The following TRIO variants were observed in gnomAD, a reference collection of about 807,000 sequenced individuals.
TRIO encodes the protein trio Rho guanine nucleotide exchange factor, also known as triple functional domain protein.
A neutral mutation model predicts 351.9 loss-of-function variants in TRIO; 58 were observed. The ratio of observed to expected loss-of-function variants is 0.16; its 90% confidence interval spans 0.13 to 0.21. TRIO has a LOEUF of 0.21. TRIO is among the 10% of genes least tolerant of loss of function. TRIO has a pLI of 1.00. For synonymous variants in TRIO, 1,758 were observed against 1,595.7 expected (o/e 1.10, Z -2.42); for missense variants, 3,201 against 4,027.8 (o/e 0.79, Z 5.56).
At chr5:14,159,283 G>T (rs902303983) in intron 1 of TRIO, among the ~76,000 whole-genome samples, 1 of 149,620 alleles carries the variant, frequency 6.7e-6, no homozygotes, top group East Asian at 2.0e-4. Context: ...TGGAAATTTT[G>T]TGGAAAAACC....
intron 54 of TRIO, among the ~76,000 whole-genome samples, chr5:14,503,732 G>A (rs1374132793): frequency 6.6e-6 from 1 of 152,198 alleles, no homozygotes; most frequent in African/African-American, 2.4e-5. Context: ...GCCTCCGAGT[G>A]ACAGAAGTAG....
intron 1 of TRIO, among the ~76,000 whole-genome samples, chr5:14,259,344 C>G (rs953139895): frequency 3.3e-5 from 5 of 152,158 alleles, no homozygotes; most frequent in Non-Finnish European, 7.4e-5. Flanking sequence ...CACCACTCAC[C>G]TTTTGTCTGT....
At chr5:14,391,019 A>C (rs908593828) in intron 27 of TRIO, 29 bp downstream of exon 27, 1 of 1,547,828 alleles carries the variant, frequency 6.5e-7, no homozygotes, top group Admixed American at 2.1e-5. Flanking sequence ...AAGAGACCAT[A>C]ATTTTCCAAG....
At chr5:14,484,791 T>C (rs1414616057) in intron 46 of TRIO, among the ~76,000 whole-genome samples, 1 of 150,996 alleles carries the variant, frequency 6.6e-6, no homozygotes, top group Non-Finnish European at 1.5e-5. Context: ...CCTGGCAACC[T>C]CCACTCTACT....
At position 14,420,032 on chromosome 5, in the gene TRIO, G is replaced by A. The variant is rs372282465; in HGVS notation, c.5203+11G>A. ...TCTTCAACCACAAAGGTAGGAATCA[G>A]TGGGGCATGGGTGGCAGACCCCTAC... On this transcript the variant is annotated intron_variant, in intron 34 of 56. Coordinates refer to ENST00000344204, the MANE Select transcript of TRIO (RefSeq NM_007118.4). 1.8e-5 allele frequency: 29 copies of A among 1,608,992 alleles called. No individual in the cohort carries two copies. The African/African-American group carries it at 3.2e-4, about 18-fold the overall frequency.
chr5:14,334,236 C>G (rs544226282), intron 10 of TRIO, among the ~76,000 whole-genome samples: 2 of 152,276 alleles, frequency 1.3e-5, no homozygotes, highest in Non-Finnish European at 2.9e-5. Flanking sequence ...ACAAAGAAAT[C>G]TCTGTTCTCC....
chr5:14,172,597 AG>A (rs1472718325), intron 1 of TRIO, among the ~76,000 whole-genome samples: 3 of 151,654 alleles, frequency 2.0e-5, no homozygotes, highest in East Asian at 1.9e-4. Context: ...TCACAATAAC[AG>A]GGGGGATGAT....
intron 9 of TRIO, among the ~76,000 whole-genome samples, chr5:14,324,099 A>G (rs1008705358): frequency 2.0e-5 from 3 of 152,236 alleles, no homozygotes; most frequent in Non-Finnish European, 4.4e-5. Context: ...AGCGATTTAA[A>G]TAAAAGACAG....
At chr5:14,188,650 A>C (rs1331841246) in intron 1 of TRIO, among the ~76,000 whole-genome samples, 1 of 152,186 alleles carries the variant, frequency 6.6e-6, no homozygotes. Flanking sequence ...TGATAACCTT[A>C]CAAATAAAGA....
chr5:14,206,527 T>G (rs557922756), intron 1 of TRIO, among the ~76,000 whole-genome samples: 11 of 152,336 alleles, frequency 7.2e-5, no homozygotes, highest in African/African-American at 2.4e-4. Flanking sequence ...CTCAACCTCT[T>G]TCTCCCAGTA....
At chr5:14,270,034 G>A (rs768825453) in intron 1 of TRIO, among the ~76,000 whole-genome samples, 3 of 152,286 alleles carry the variant, frequency 2.0e-5, no homozygotes, top group East Asian at 3.9e-4. Flanking sequence ...AAATTCCCAC[G>A]TAGGCATTCA....
intron 1 of TRIO, among the ~76,000 whole-genome samples, chr5:14,245,040 A>G (rs917353616): frequency 2.0e-5 from 3 of 152,228 alleles, no homozygotes; most frequent in Admixed American, 2.0e-4. Context: ...GCAAACAGTA[A>G]AATATTACTG....
At chr5:14,322,338 TGG>T (rs973329137) in intron 9 of TRIO, among the ~76,000 whole-genome samples, 1 of 152,222 alleles carries the variant, frequency 6.6e-6, no homozygotes, top group African/African-American at 2.4e-5. Context: ...TGATTGATGT[TGG>T]GGAACTAGGG....
intron 1 of TRIO, among the ~76,000 whole-genome samples, chr5:14,176,191 G>A (rs1169491721): frequency 6.6e-6 from 1 of 152,128 alleles, no homozygotes; most frequent in Non-Finnish European, 1.5e-5. Context: ...ACAGAGTCAG[G>A]CTGGGCTTGG....
At chr5:14,297,044 G>A in intron 6 of TRIO, 28 bp from the exon 7 acceptor site, 1 of 1,595,248 alleles carries the variant, frequency 6.3e-7, no homozygotes. Flanking sequence ...CTCCCCTAAG[G>A]AGCCCTCTTT....
chr5:14,336,475 C>T, intron 10 of TRIO, 61 bp from the exon 11 acceptor site: 1 of 1,570,022 alleles, frequency 6.4e-7, no homozygotes, highest in Non-Finnish European at 8.7e-7. Flanking sequence ...ATTATGGCGC[C>T]CAGCCTGGCT....
chr5:14,246,048 C>T (rs1794419597), intron 1 of TRIO, among the ~76,000 whole-genome samples: 1 of 152,176 alleles, frequency 6.6e-6, no homozygotes, highest in Non-Finnish European at 1.5e-5. Context: ...ACTCATTATC[C>T]ATTCCCTTGA....
At chr5:14,219,281 G>T (rs1792436614) in intron 1 of TRIO, among the ~76,000 whole-genome samples, 1 of 151,558 alleles carries the variant, frequency 6.6e-6, no homozygotes, top group Non-Finnish European at 1.5e-5. Flanking sequence ...CCAGATCATT[G>T]TTTTCCTTAC....
chr5:14,242,233 C>T (rs1794170111), intron 1 of TRIO, among the ~76,000 whole-genome samples: 1 of 152,222 alleles, frequency 6.6e-6, no homozygotes, highest in African/African-American at 2.4e-5. Context: ...TTCATGTTTT[C>T]CGTTGACTAA....
Sources: allele counts gnomAD v4.1 joint callset (sites outside exome capture counted in the v4.1 genomes callset), GRCh38; gene constraint gnomAD v4.1.1; transcripts MANE v1.5; gene names NCBI Gene and HGNC (gene_info 2026-07-23, HGNC 2026-07-21).